PDE3B: variants seen among roughly 807,000 people sequenced by gnomAD.
PDE3B encodes the protein phosphodiesterase 3B, also known as cGMP-inhibited 3',5'-cyclic phosphodiesterase 3B.
A neutral mutation model predicts 116.8 loss-of-function variants in PDE3B; 66 were observed. The ratio of observed to expected loss-of-function variants is 0.56; its 90% CI spans 0.46 to 0.69. The LOEUF (loss-of-function observed/expected upper bound fraction) is 0.69. Among genes scored for constraint, PDE3B ranks in the 30% least tolerant of loss-of-function variants. The pLI, the probability that PDE3B is intolerant of heterozygous loss-of-function variation, is 0.00. For synonymous variants in PDE3B, 595 were observed against 533.6 expected (o/e 1.12, Z -1.59); for missense variants, 1,384 against 1,368.1 (o/e 1.01, Z -0.18).
At chr11:14,886,400 A>G in the PDE3B span, 1 of 166,496 alleles carries the variant, frequency 6.0e-6, no homozygotes, top group Non-Finnish European at 1.3e-5. Context: ...CTGAGAGACA[A>G]CTTTGAAGTA....
chr11:14,892,174 G>T, the PDE3B span: 1 of 1,610,672 alleles, frequency 6.2e-7, no homozygotes, highest in African/African-American at 1.3e-5. Context: ...GAGCGCCGCC[G>T]CGCCCTCTTC....
chr11:14,715,154 T>C (rs1163705341), intron 1 of PDE3B, among the ~76,000 whole-genome samples: 1 of 152,106 alleles, frequency 6.6e-6, no homozygotes, highest in East Asian at 1.9e-4. Context: ...ACAAATGAAG[T>C]GAGAAGAGAA....
chr11:14,710,938 A>G (rs1855683163), intron 1 of PDE3B, among the ~76,000 whole-genome samples: 1 of 152,250 alleles, frequency 6.6e-6, no homozygotes, highest in Non-Finnish European at 1.5e-5. Context: ...TTTCTTGCTC[A>G]AAGAACTGCC....
intron 2 of PDE3B, among the ~76,000 whole-genome samples, chr11:14,783,522 C>T (rs1326050159): frequency 2.6e-5 from 4 of 152,090 alleles, no homozygotes; most frequent in African/African-American, 9.7e-5. Context: ...GAAAACCAAA[C>T]ACCGCATGTT....
chr11:14,804,090 C>T, intron 5 of PDE3B, 40 bp downstream of exon 5: 2 of 1,047,992 alleles, frequency 1.9e-6, no homozygotes, highest in South Asian at 1.3e-5. Context: ...TGGGGGTTCT[C>T]AAAGTATATG....
At chr11:14,792,570 A>G (rs890876641) in intron 4 of PDE3B, among the ~76,000 whole-genome samples, 7 of 152,186 alleles carry the variant, frequency 4.6e-5, no homozygotes, top group Non-Finnish European at 1.0e-4. Flanking sequence ...TTAGTCCCCC[A>G]TTGAACAGCG....
At chr11:14,780,791 CAGAAGGCAAGAAATAACTA>C (rs1269898146) in intron 2 of PDE3B, among the ~76,000 whole-genome samples, 2 of 152,080 alleles carry the variant, frequency 1.3e-5, no homozygotes, top group Non-Finnish European at 2.9e-5. Context: ...CAAAAGCTAG[CAGAAGGCAAGAAATAACTA>C]AGATCAGAGC....
At chr11:14,781,261 T>C (rs909617728) in intron 2 of PDE3B, among the ~76,000 whole-genome samples, 4 of 152,202 alleles carry the variant, frequency 2.6e-5, no homozygotes, top group Admixed American at 2.6e-4. Flanking sequence ...CTGTTCCTTC[T>C]GAAACTATTC....
chr11:14,738,417 C>G (rs940162145), intron 1 of PDE3B, among the ~76,000 whole-genome samples: 2 of 152,154 alleles, frequency 1.3e-5, no homozygotes, highest in Non-Finnish European at 2.9e-5. Context: ...TAAATGTCTT[C>G]TTTTGAGAAG....
At chr11:14,883,520 T>C in the PDE3B span, among the ~76,000 whole-genome samples, 1 of 151,006 alleles carries the variant, frequency 6.6e-6, no homozygotes, top group Non-Finnish European at 1.5e-5. Flanking sequence ...TTACACCTTA[T>C]ACAAAAATTA....
intron 1 of PDE3B, among the ~76,000 whole-genome samples, chr11:14,704,631 G>T (rs978426378): frequency 2.0e-5 from 3 of 151,668 alleles, no homozygotes; most frequent in Admixed American, 6.6e-5. Context: ...GGCAAAGGTG[G>T]TAGGGCATTT....
chr11:14,648,993 G>A (rs930338805), intron 1 of PDE3B, among the ~76,000 whole-genome samples: 2 of 152,092 alleles, frequency 1.3e-5, no homozygotes, highest in East Asian at 3.8e-4. Context: ...AGCAGAATGG[G>A]CCATATTTAA....
At chr11:14,667,032 C>G (rs954138836) in intron 1 of PDE3B, among the ~76,000 whole-genome samples, 5 of 152,080 alleles carry the variant, frequency 3.3e-5, no homozygotes, top group East Asian at 1.9e-4. Flanking sequence ...TTGGAACCAA[C>G]CCAAATGTCC....
chr11:14,889,287 T>C, the PDE3B span, among the ~76,000 whole-genome samples: 25 of 152,044 alleles, frequency 1.6e-4, no homozygotes, highest in African/African-American at 6.0e-4. Context: ...GGAACAATAT[T>C]CTTCAACCTC....
chr11:14,830,697 G>A lies in PDE3B; in HGVS notation c.1808-1G>A. On this transcript the variant is annotated splice_acceptor_variant, in intron 7 of 15. Coordinates refer to ENST00000282096, the MANE Select transcript of PDE3B (RefSeq NM_000922.4). LOFTEE classifies it high-confidence loss of function. ...ATATTACTATATATATTTTTTGAAA[G>A]GTGAAGAAGAAAACATTTTCTCGAA... 6 of 1,423,938 alleles carry A rather than the reference G, an allele frequency of 4.2e-6. No individual in the cohort carries two copies. The highest frequency in any genetic ancestry group is 2.6e-5 in the East Asian group (1 of 37,972). 88.2% of individuals were successfully genotyped at this position (1,423,938 alleles called of 1,614,324 possible).
chr11:14,689,291 G>A (rs913482793), intron 1 of PDE3B, among the ~76,000 whole-genome samples: 3 of 152,134 alleles, frequency 2.0e-5, no homozygotes, highest in Non-Finnish European at 4.4e-5. Context: ...CAGGGTAGAC[G>A]TTATCTAGGT....
At chr11:14,770,245 C>T (rs1857601644) in intron 1 of PDE3B, among the ~76,000 whole-genome samples, 1 of 151,240 alleles carries the variant, frequency 6.6e-6, no homozygotes, top group Non-Finnish European at 1.5e-5. Flanking sequence ...CTATTCTAGA[C>T]ATCTATTCGT....
At chr11:14,759,481 G>T (rs1443955675) in intron 1 of PDE3B, among the ~76,000 whole-genome samples, 1 of 151,058 alleles carries the variant, frequency 6.6e-6, no homozygotes, top group African/African-American at 2.4e-5. Flanking sequence ...TTCAGTAGTA[G>T]TTCAGTTCTA....
intron 1 of PDE3B, among the ~76,000 whole-genome samples, chr11:14,665,979 A>G (rs536257992): frequency 6.6e-6 from 1 of 152,362 alleles, no homozygotes; most frequent in South Asian, 2.1e-4. Flanking sequence ...CGCCAAGTCA[A>G]TCCAACACCA....
Sources: allele counts gnomAD v4.1 joint callset (sites outside exome capture counted in the v4.1 genomes callset), GRCh38; gene constraint gnomAD v4.1.1; transcripts MANE v1.5; gene names NCBI Gene and HGNC (gene_info 2026-07-23, HGNC 2026-07-21).